The following STAU2 variants were observed in gnomAD, a reference collection of about 807,000 sequenced individuals.
STAU2 encodes staufen double-stranded RNA binding protein 2.
A neutral mutation model predicts 65.9 loss-of-function variants in STAU2; 20 were observed. The observed-to-expected ratio is 0.30, with a 90% confidence interval of 0.21 to 0.44. The LOEUF is 0.44. STAU2 is among the 20% of genes least tolerant of loss of function. STAU2 has a pLI of 1.00. For synonymous variants in STAU2, 232 were observed against 233.9 expected (o/e 0.99, Z 0.07); for missense variants, 558 against 683.9 (o/e 0.82, Z 2.05).
intron 5 of STAU2, among the ~76,000 whole-genome samples, chr8:73,678,910 T>C (rs1467441912): frequency 6.6e-6 from 1 of 152,178 alleles, no homozygotes; most frequent in African/African-American, 2.4e-5. Flanking sequence ...GAGCAGAGAA[T>C]GTCAACCTAG....
intron 13 of STAU2, among the ~76,000 whole-genome samples, chr8:73,506,283 T>C (rs1450143634): frequency 6.6e-6 from 1 of 152,134 alleles, no homozygotes; most frequent in African/African-American, 2.4e-5. Flanking sequence ...AGTGAGCCGT[T>C]GCTCCTAATT....
intron 4 of STAU2, among the ~76,000 whole-genome samples, chr8:73,689,874 T>C (rs966724469): frequency 1.3e-5 from 2 of 151,810 alleles, no homozygotes; most frequent in Non-Finnish European, 2.9e-5. Flanking sequence ...TCAACAACCA[T>C]GTACAATTCT....
intron 6 of STAU2, among the ~76,000 whole-genome samples, chr8:73,654,172 C>T (rs1428302334): frequency 1.3e-5 from 2 of 151,986 alleles, no homozygotes; most frequent in Admixed American, 6.6e-5. Flanking sequence ...AAGATAAAAC[C>T]GTGCTGCCCT....
At position 73,429,327 on chromosome 8, in the gene STAU2, C is replaced by CA. The variant is rs532072165; in HGVS notation, c.1531-6626dup. On this transcript the variant is annotated intron_variant, in intron 13 of 14. Coordinates refer to ENST00000524300, the MANE Select transcript of STAU2 (RefSeq NM_001164380.2). ...TCCTACCCATAAGGAAACAGAGGCT[C>CA]AGAGAATTCAGTAACCTACTTAAGG... Among the ~76,000 whole-genome samples, 206 of 146,206 alleles carry CA rather than the reference C, an allele frequency of 1.4e-3. 1 individual carries two copies. Among genetic ancestry groups the CA allele is most frequent in the African/African-American group, 4.9e-3 (195 of 39,968 alleles).
chr8:73,710,564 T>G (rs1586323960), intron 3 of STAU2, among the ~76,000 whole-genome samples: 1 of 152,178 alleles, frequency 6.6e-6, no homozygotes, highest in East Asian at 1.9e-4. Flanking sequence ...AAAGTTGTTG[T>G]GAGATTAAGA....
chr8:73,649,619 A>G (rs1234976674), intron 6 of STAU2, among the ~76,000 whole-genome samples: 1 of 151,996 alleles, frequency 6.6e-6, no homozygotes, highest in African/African-American at 2.4e-5. Context: ...ATCAAATAGG[A>G]TTAACAAACT....
chr8:73,519,500 T>C (rs1822928990), intron 13 of STAU2, among the ~76,000 whole-genome samples: 1 of 152,204 alleles, frequency 6.6e-6, no homozygotes, highest in South Asian at 2.1e-4. Flanking sequence ...AATGAAAAGT[T>C]ATAAACAGAG....
At chr8:73,619,093 A>G (rs115594456) in intron 6 of STAU2, among the ~76,000 whole-genome samples, 500 of 152,310 alleles carry the variant, frequency 3.3e-3, no homozygotes, top group African/African-American at 0.011. Context: ...CAAGATAGAA[A>G]TAATATTTGG....
chr8:73,706,241 C>T (rs1465720997), intron 4 of STAU2, among the ~76,000 whole-genome samples: 3 of 152,028 alleles, frequency 2.0e-5, no homozygotes, highest in Non-Finnish European at 4.4e-5. Flanking sequence ...CTCAGCCTCC[C>T]GAGTAGGTGG....
At chr8:73,706,552 C>T (rs1214917075) in intron 4 of STAU2, among the ~76,000 whole-genome samples, 1 of 152,150 alleles carries the variant, frequency 6.6e-6, no homozygotes, top group Non-Finnish European at 1.5e-5. Flanking sequence ...TTTTGCTTTT[C>T]ACAAAAAGGA....
At chr8:73,567,245 C>G (rs1048481717) in intron 12 of STAU2, among the ~76,000 whole-genome samples, 3 of 152,140 alleles carry the variant, frequency 2.0e-5, no homozygotes, top group African/African-American at 7.2e-5. Context: ...CAGTGGTTCA[C>G]GCTTGTAATC....
chr8:73,568,976 G>A lies in STAU2; in HGVS notation c.1222+13794C>T, dbSNP rs190300387. On this transcript the variant is annotated intron_variant, in intron 12 of 14. Transcript: ENST00000524300. ...CAGGTTCATCTCACTGGGGCTTGTC[G>A]GACAGTGGGTGCAGCACACGGAGCA... 4.4e-3 allele frequency among the ~76,000 whole-genome samples: 668 copies of A among 152,160 alleles called. 3 individuals are homozygous for A. The highest frequency in any genetic ancestry group is 0.015 in the African/African-American group (638 of 41,492).
chr8:73,518,556 C>G (rs897818017), intron 13 of STAU2, among the ~76,000 whole-genome samples: 52 of 152,162 alleles, frequency 3.4e-4, no homozygotes, highest in African/African-American at 1.2e-3. Flanking sequence ...CACTAAAATT[C>G]AAATTCCATA....
intron 13 of STAU2, among the ~76,000 whole-genome samples, chr8:73,452,709 T>G (rs1818861874): frequency 2.0e-5 from 3 of 152,254 alleles, no homozygotes; most frequent in Non-Finnish European, 2.9e-5. Flanking sequence ...ACGTATTTTT[T>G]AAATTTATGT....
At chr8:73,591,121 T>C (rs1294549388) in intron 11 of STAU2, among the ~76,000 whole-genome samples, 1 of 152,000 alleles carries the variant, frequency 6.6e-6, no homozygotes, top group Non-Finnish European at 1.5e-5. Flanking sequence ...TGAGAGTAAA[T>C]ATAAAAGGCA....
At chr8:73,667,266 A>G (rs1817307947) in intron 6 of STAU2, among the ~76,000 whole-genome samples, 1 of 152,146 alleles carries the variant, frequency 6.6e-6, no homozygotes, top group South Asian at 2.1e-4. Context: ...CCAAAGCAAT[A>G]TTCCTAAAAC....
At chr8:73,448,982 T>C (rs2128894184) in intron 13 of STAU2, among the ~76,000 whole-genome samples, 1 of 152,296 alleles carries the variant, frequency 6.6e-6, no homozygotes, top group South Asian at 2.1e-4. Context: ...GAAGACTTCC[T>C]GGACGAGGGG....
chr8:73,698,908 C>T (rs1394381017), intron 4 of STAU2, among the ~76,000 whole-genome samples: 7 of 94,282 alleles, frequency 7.4e-5, no homozygotes, highest in South Asian at 3.9e-4. Context: ...GGTCACAAAA[C>T]GAGTCTTAAA....
chr8:73,641,018 C>T (rs540859258), intron 6 of STAU2, among the ~76,000 whole-genome samples: 1 of 152,220 alleles, frequency 6.6e-6, no homozygotes, highest in East Asian at 1.9e-4. Context: ...ATAAATTTCA[C>T]GTAGACTTAA....
Sources: allele counts gnomAD v4.1 joint callset (sites outside exome capture counted in the v4.1 genomes callset), GRCh38; gene constraint gnomAD v4.1.1; transcripts MANE v1.5; gene names NCBI Gene and HGNC (gene_info 2026-07-23, HGNC 2026-07-21).